Variants in TPD52 observed in about 807,000 individuals in gnomAD.
The protein encoded by TPD52 is tumor protein D52.
TPD52 carries 17 observed loss-of-function variants against 31.3 expected under a neutral mutation model. The observed-to-expected ratio is 0.54, with a 90% CI of 0.37 to 0.82. The LOEUF (loss-of-function observed/expected upper bound fraction) is 0.82, where lower values mean the gene tolerates loss of function less well. TPD52 is among the 40% of genes least tolerant of loss of function. The probability of loss-of-function intolerance (pLI) is 0.00; values close to 1 mark genes in which losing one functional copy is unlikely to be tolerated. For missense variants in TPD52, 212 were observed against 240.1 expected (o/e 0.88, Z 0.77); for synonymous variants, 83 against 89.6 (o/e 0.93, Z 0.42).
intron 1 of TPD52, among the ~76,000 whole-genome samples, chr8:80,101,978 G>A (rs985441374): frequency 3.3e-5 from 5 of 152,206 alleles, no homozygotes; most frequent in Non-Finnish European, 7.3e-5. Flanking sequence ...CAGAGAAAGA[G>A]AGTGCATGCA....
At chr8:80,071,194 T>C (rs977865347) in intron 1 of TPD52, among the ~76,000 whole-genome samples, 1 of 152,118 alleles carries the variant, frequency 6.6e-6, no homozygotes, top group Non-Finnish European at 1.5e-5. Flanking sequence ...AACCGGGTGA[T>C]AAGCCACCCA....
chr8:80,051,216 C>T, intron 4 of TPD52: 1 of 395,248 alleles, frequency 2.5e-6, no homozygotes, highest in Non-Finnish European at 4.6e-6. Context: ...CAGGCTCTGC[C>T]CACAATCACA....
chr8:80,132,930 C>G (rs1368967667), intron 1 of TPD52, among the ~76,000 whole-genome samples: 1 of 152,156 alleles, frequency 6.6e-6, no homozygotes, highest in East Asian at 1.9e-4. Flanking sequence ...TAATTAATTA[C>G]TAAGGGGTCC....
chr8:80,070,246 T>TAGA, intron 1 of TPD52, among the ~76,000 whole-genome samples: 3 of 152,248 alleles, frequency 2.0e-5, no homozygotes, highest in Admixed American at 2.0e-4. Flanking sequence ...ATCTTCCCTC[T>TAGA]AGTTCTTCGT....
chr8:80,150,053 G>C (rs951225278), intron 1 of TPD52, among the ~76,000 whole-genome samples: 1 of 152,222 alleles, frequency 6.6e-6, no homozygotes, highest in South Asian at 2.1e-4. Context: ...GGCCTAGGAG[G>C]GAGAAATGGT....
intron 5 of TPD52, among the ~76,000 whole-genome samples, chr8:80,049,059 A>G (rs1236909202): frequency 1.3e-5 from 2 of 152,224 alleles, no homozygotes; most frequent in African/African-American, 4.8e-5. Context: ...GGTATTCTTT[A>G]AAGGTATAGA....
At chr8:80,085,419 T>C (rs1168331649) in intron 1 of TPD52, among the ~76,000 whole-genome samples, 1 of 152,160 alleles carries the variant, frequency 6.6e-6, no homozygotes, top group Non-Finnish European at 1.5e-5. Flanking sequence ...GAAAGACATA[T>C]AAAGGACAGT....
intron 1 of TPD52, among the ~76,000 whole-genome samples, chr8:80,071,327 T>G (rs1048497340): frequency 5.9e-5 from 9 of 152,116 alleles, no homozygotes; most frequent in African/African-American, 2.2e-4. Context: ...CCCAAGCCCC[T>G]TACCTGCAAA....
intron 1 of TPD52, among the ~76,000 whole-genome samples, chr8:80,081,140 C>T (rs1815228648): frequency 7.0e-6 from 1 of 143,750 alleles, no homozygotes; most frequent in African/African-American, 2.6e-5. Context: ...TTCAGACTGA[C>T]TTTTCTTTTC....
chr8:80,129,483 G>A (rs1243137419), intron 1 of TPD52, among the ~76,000 whole-genome samples: 1 of 152,150 alleles, frequency 6.6e-6, no homozygotes, highest in Non-Finnish European at 1.5e-5. Context: ...ATGCTGGCCG[G>A]ATAGCAACGT....
chr8:80,130,181 G>A (rs997009728), intron 1 of TPD52, among the ~76,000 whole-genome samples: 9 of 152,012 alleles, frequency 5.9e-5, no homozygotes, highest in Non-Finnish European at 1.3e-4. Flanking sequence ...AGTTTTGCAA[G>A]TTTGGAATAG....
chr8:80,046,877 A>T (rs1810913001), intron 5 of TPD52, among the ~76,000 whole-genome samples: 1 of 152,208 alleles, frequency 6.6e-6, no homozygotes, highest in South Asian at 2.1e-4. Flanking sequence ...TCTAACAGTT[A>T]TCTGATGCTT....
chr8:80,054,585 G>A (rs907413256), intron 2 of TPD52, among the ~76,000 whole-genome samples: 5 of 152,046 alleles, frequency 3.3e-5, no homozygotes, highest in African/African-American at 4.8e-5. Context: ...CAACCTGCAC[G>A]GTATTTCTAT....
At chr8:80,143,024 A>C (rs908690159) in intron 1 of TPD52, among the ~76,000 whole-genome samples, 1 of 152,222 alleles carries the variant, frequency 6.6e-6, no homozygotes, top group Non-Finnish European at 1.5e-5. Flanking sequence ...GACCATGGTC[A>C]CAAAGCATGA....
chr8:80,034,478 G>A (rs970874203), downstream of TPD52, among the ~76,000 whole-genome samples: 5 of 152,176 alleles, frequency 3.3e-5, no homozygotes, highest in Admixed American at 6.5e-5. Flanking sequence ...CTCAAGGAGG[G>A]CCACCACCAT....
intron 1 of TPD52, among the ~76,000 whole-genome samples, chr8:80,124,441 G>A (rs1051506852): frequency 6.6e-6 from 1 of 152,128 alleles, no homozygotes; most frequent in African/African-American, 2.4e-5. Context: ...CCAAAGTGCT[G>A]GGATTACAGA....
At chr8:80,125,031 C>T (rs983153132) in intron 1 of TPD52, among the ~76,000 whole-genome samples, 11 of 152,158 alleles carry the variant, frequency 7.2e-5, no homozygotes, top group Non-Finnish European at 1.3e-4. Flanking sequence ...TTTTTTAAAG[C>T]TTCCCTGATG....
chr8:80,164,375 G>A (rs1811572568), intron 1 of TPD52, among the ~76,000 whole-genome samples: 1 of 152,194 alleles, frequency 6.6e-6, no homozygotes. Flanking sequence ...CAAATCAATA[G>A]AGGAAGAAGC....
At chr8:80,049,004 A>G (rs531290920) in intron 5 of TPD52, among the ~76,000 whole-genome samples, 2 of 152,370 alleles carry the variant, frequency 1.3e-5, no homozygotes, top group African/African-American at 4.8e-5. Context: ...TTAATAAGAC[A>G]GCACACACTG....
Sources: gnomAD v4.1 joint callset for allele counts (sites outside exome capture counted in the v4.1 genomes callset) on GRCh38, gnomAD v4.1.1 for gene constraint, MANE v1.5 for transcripts, NCBI Gene and HGNC (gene_info 2026-07-23, HGNC 2026-07-21) for gene names.